TMEM123: variants seen among roughly 807,000 people sequenced by gnomAD.
TMEM123 encodes the protein porimin.
In TMEM123, 16 loss-of-function variants were observed where a neutral mutation model predicts 19.7. That is an observed-to-expected ratio of 0.81 (90% CI 0.55 to 1.23). The LOEUF (loss-of-function observed/expected upper bound fraction) is 1.23, where lower values mean the gene tolerates loss of function less well. Ranked by LOEUF, TMEM123 falls within the 50% of genes most tolerant of loss-of-function variation. TMEM123 has a pLI of 0.00. For missense variants in TMEM123, 313 were observed against 257.8 expected, an observed-to-expected ratio of 1.21 and a Z score of -1.47; for synonymous variants, 118 against 99.4, an observed-to-expected ratio of 1.19 and a Z score of -1.12.
intron 2 of TMEM123, chr11:102,448,201 G>A: frequency 2.2e-6 from 1 of 455,868 alleles, no homozygotes; most frequent in South Asian, 1.5e-5. Context: ...AGGGCAGTGA[G>A]AAGATAACTT....
Position 102,401,558 on chromosome 11 carries a change from CTCT to C in TMEM123, c.580_582del (p.Arg194del), listed in dbSNP as rs1683253862. ...ACTTACATGGTTCGATACCGAATGC[CTCT>C]TCTTGAGTAATACATTTTGCATCCA... On this transcript the variant is annotated inframe_deletion, in exon 4 of 5. Coordinates refer to ENST00000398136, the MANE Select transcript of TMEM123 (RefSeq NM_052932.3). The C allele has an allele frequency of 1.9e-6, 3 of 1,585,720 alleles. No homozygotes were observed. The highest frequency in any genetic ancestry group is 1.2e-5 in the South Asian group (1 of 85,408).
intron 2 of TMEM123, among the ~76,000 whole-genome samples, chr11:102,444,341 C>T (rs1018617831): frequency 4.0e-5 from 6 of 151,776 alleles, no homozygotes; most frequent in Admixed American, 2.6e-4. Flanking sequence ...ATGGCACAGA[C>T]ACATCATGGA....
chr11:102,435,657 C>T (rs1481928737), intron 2 of TMEM123, among the ~76,000 whole-genome samples: 1 of 151,874 alleles, frequency 6.6e-6, no homozygotes, highest in Non-Finnish European at 1.5e-5. Context: ...TTCATAATAT[C>T]AAAAGGTGGA....
chr11:102,430,645 A>G (rs1857689531), intron 2 of TMEM123, among the ~76,000 whole-genome samples: 1 of 152,216 alleles, frequency 6.6e-6, no homozygotes, highest in Admixed American at 6.5e-5. Context: ...GGAGGAACCA[A>G]AAAGGTAAGT....
At chr11:102,433,225 C>G (rs1177463349) in intron 2 of TMEM123, among the ~76,000 whole-genome samples, 3 of 151,932 alleles carry the variant, frequency 2.0e-5, no homozygotes, top group Admixed American at 2.0e-4. Context: ...ACACTCAACG[C>G]CAGCTAGTGA....
intron 2 of TMEM123, among the ~76,000 whole-genome samples, chr11:102,431,298 A>G (rs776615663): frequency 2.0e-5 from 3 of 152,248 alleles, no homozygotes; most frequent in Non-Finnish European, 4.4e-5. Flanking sequence ...ACAGCTGTAT[A>G]AATTTATAGG....
At chr11:102,440,198 A>C (rs1415655196) in intron 2 of TMEM123, among the ~76,000 whole-genome samples, 3 of 152,200 alleles carry the variant, frequency 2.0e-5, no homozygotes, top group East Asian at 1.9e-4. Flanking sequence ...AATACAGAGA[A>C]CACCACAAAG....
rs559262836 is a variant in TMEM123, at chr11:102,434,439, G to A, written c.157+14373C>T. ...AGGTTCCTTGCCCATTTTTAAATTGGATTATTTATTTTCTTTCTATAGAGT... is the reference window on the plus strand; with the variant it reads ...AGGTTCCTTGCCCATTTTTAAATTGAATTATTTATTTTCTTTCTATAGAGT... On this transcript the variant is annotated intron_variant, in intron 2 of 4. Coordinates refer to ENST00000398136, the MANE Select transcript of TMEM123 (RefSeq NM_052932.3). Among the ~76,000 whole-genome samples the A allele has an allele frequency of 5.9e-5, 9 of 151,750 alleles. 1 individual carries two copies. Among genetic ancestry groups the A allele is most frequent in the Admixed American group, 4.6e-4 (7 of 15,210 alleles).
At chr11:102,405,069 GAC>G (rs1951943836) in intron 2 of TMEM123, among the ~76,000 whole-genome samples, 1 of 148,174 alleles carries the variant, frequency 6.7e-6, no homozygotes, top group African/African-American at 2.5e-5. Context: ...TTTTTTTTGA[GAC>G]AGAGTCTTGC....
At chr11:102,442,008 T>C (rs1591567053) in intron 2 of TMEM123, among the ~76,000 whole-genome samples, 2 of 152,184 alleles carry the variant, frequency 1.3e-5, no homozygotes, top group South Asian at 4.1e-4. Flanking sequence ...CAGGAAGAAG[T>C]TGAATCCCTC....
chr11:102,437,269 C>G, intron 2 of TMEM123, among the ~76,000 whole-genome samples: 1 of 152,062 alleles, frequency 6.6e-6, no homozygotes, highest in East Asian at 1.9e-4. Context: ...AGGCTGGTTA[C>G]TCAGCCCAGC....
intron 2 of TMEM123, among the ~76,000 whole-genome samples, chr11:102,435,491 A>G (rs1346817054): frequency 6.6e-6 from 1 of 151,976 alleles, no homozygotes; most frequent in African/African-American, 2.4e-5. Flanking sequence ...GCTGGTGTGT[A>G]TCTAAAATGG....
Position 102,439,620 on chromosome 11 carries a change from C to A in TMEM123, c.157+9192G>T, listed in dbSNP as rs921140426. Among the ~76,000 whole-genome samples, 36 of 152,198 alleles carry A rather than the reference C, an allele frequency of 2.4e-4. 1 individual carries two copies. The highest frequency in any genetic ancestry group is 8.7e-4 in the African/African-American group (36 of 41,442). Reference sequence around the variant, plus strand: ...AACCAGAGCAGAAAAGCTGAAAATTCTAAAAATCAGAGCGCCTCTTCTCCT... The same window carrying A: ...AACCAGAGCAGAAAAGCTGAAAATTATAAAAATCAGAGCGCCTCTTCTCCT... On this transcript the variant is annotated intron_variant, in intron 2 of 4. Transcript: ENST00000398136.
chr11:102,402,472 C>CA (rs767384882), intron 2 of TMEM123, among the ~76,000 whole-genome samples: 1 of 150,976 alleles, frequency 6.6e-6, no homozygotes, highest in African/African-American at 2.4e-5. Context: ...ACCCAGAAGA[C>CA]AGAGTTCCCT....
At chr11:102,421,365 C>T (rs1426481741) in intron 2 of TMEM123, among the ~76,000 whole-genome samples, 1 of 152,156 alleles carries the variant, frequency 6.6e-6, no homozygotes, top group African/African-American at 2.4e-5. Flanking sequence ...GCTGTATTTG[C>T]AACCCTGAAA....
At position 102,396,992 on chromosome 11, in the gene TMEM123, A is replaced by ATATCT. The variant is rs1951861602; in HGVS notation, c.*1870_*1874dup. 6.6e-6 allele frequency: 1 copy of ATATCT among 151,378 alleles called. No homozygotes were observed. The highest frequency in any genetic ancestry group is 1.5e-5 in the Non-Finnish European group (1 of 68,018). 9.4% of individuals were successfully genotyped at this position (151,378 alleles called of 1,614,324 possible). A position where few individuals can be genotyped will look rare whatever the true frequency, so the allele number is the denominator to read the frequency against. On this transcript the variant is annotated 3_prime_UTR_variant, in exon 5 of 5. Coordinates refer to ENST00000398136, the MANE Select transcript of TMEM123 (RefSeq NM_052932.3). Reference sequence around the variant, plus strand: ...TAAAAGGCCTTCATTAGAATAAAGTATATCTTAACTACATTTTGCAAAGAA... The same window carrying ATATCT: ...TAAAAGGCCTTCATTAGAATAAAGTATATCTTATCTTAACTACATTTTGCAAAGAA...
chr11:102,396,545 T>C lies in TMEM123; in HGVS notation c.*2322A>G, dbSNP rs1951857254. ...GGAAATTTTAAAATTGGCTTCTGCC[T>C]AGTACTTATACATCTGGATTGTTTG... On this transcript the variant is annotated 3_prime_UTR_variant, in exon 5 of 5. Transcript: ENST00000398136. The C allele has an allele frequency of 6.6e-6, 1 of 152,238 alleles. No individual in the cohort carries two copies. Among genetic ancestry groups the C allele is most frequent in the South Asian group, 2.1e-4 (1 of 4,834 alleles). The allele number at this position is 152,238 out of a possible 1,614,324, so 9.4% of individuals were successfully genotyped here.
At chr11:102,441,000 TA>T (rs1364677385) in intron 2 of TMEM123, among the ~76,000 whole-genome samples, 1 of 152,184 alleles carries the variant, frequency 6.6e-6, no homozygotes, top group East Asian at 1.9e-4. Context: ...CTAACTATCC[TA>T]AATATATATG....
chr11:102,402,272 G>GT (rs1396617525), intron 2 of TMEM123, 66 bp from the exon 3 acceptor site: 1 of 1,518,078 alleles, frequency 6.6e-7, no homozygotes, highest in African/African-American at 1.4e-5. Flanking sequence ...CCATTTCACT[G>GT]AGACTTTCAT....
Sources: gnomAD v4.1 joint callset for allele counts (sites outside exome capture counted in the v4.1 genomes callset) on GRCh38, gnomAD v4.1.1 for gene constraint, MANE v1.5 for transcripts, NCBI Gene and HGNC (gene_info 2026-07-23, HGNC 2026-07-21) for gene names.